Variants in SYNPR observed in about 807,000 individuals in gnomAD.
The protein encoded by SYNPR is synaptoporin.
SYNPR carries 23 observed loss-of-function variants against 32.9 expected under a neutral mutation model. The ratio of observed to expected loss-of-function variants is 0.70; its 90% CI spans 0.50 to 0.99. The LOEUF is 0.99. Among genes scored for constraint, SYNPR ranks in the 50% least tolerant of loss-of-function variants. The probability of loss-of-function intolerance (pLI) is 0.00; values close to 1 mark genes in which losing one functional copy is unlikely to be tolerated. For synonymous variants in SYNPR, 146 were observed against 135.9 expected (o/e 1.07, Z -0.52); for missense variants, 318 against 349.3 (o/e 0.91, Z 0.71).
chr3:63,286,298 G>A (rs1352009401), intron 2 of SYNPR, among the ~76,000 whole-genome samples: 1 of 118,922 alleles, frequency 8.4e-6, no homozygotes, highest in African/African-American at 3.2e-5. Flanking sequence ...TGTCGTAGAG[G>A]TGTGAAGAGA....
chr3:63,389,070 G>A (rs922883615), intron 2 of SYNPR, among the ~76,000 whole-genome samples: 13 of 152,270 alleles, frequency 8.5e-5, no homozygotes, highest in African/African-American at 2.2e-4. Flanking sequence ...GTAGTGATCC[G>A]TTTGGAGTTG....
chr3:63,494,405 A>ATATATACACG lies in SYNPR; in HGVS notation c.209+13455_209+13456insCACGTATATA, dbSNP rs1427127802. Among the ~76,000 whole-genome samples the ATATATACACG allele has an allele frequency of 3.2e-4, 17 of 53,226 alleles. No homozygotes were observed. In the East Asian group the frequency reaches 3.3e-3, roughly 10 times the overall value. 34.9% of individuals were successfully genotyped at this position (53,226 alleles called of 152,430 possible). On this transcript the variant is annotated intron_variant, in intron 3 of 5. Coordinates refer to ENST00000478300, the MANE Select transcript of SYNPR (RefSeq NM_001130003.2). The stretch of plus-strand genomic sequence containing the variant: ...GATATGTTAATTCTTATATATATAT[A>ATATATACACG]TATATATATATACGTATATATATAT...
At chr3:63,253,672 T>G (rs1227216128) in intron 2 of SYNPR, among the ~76,000 whole-genome samples, 1 of 152,106 alleles carries the variant, frequency 6.6e-6, no homozygotes, top group Non-Finnish European at 1.5e-5. Flanking sequence ...AAACTACAGG[T>G]GCTGGAGAGG....
At chr3:63,343,120 C>T (rs1182319331) in intron 2 of SYNPR, among the ~76,000 whole-genome samples, 1 of 152,098 alleles carries the variant, frequency 6.6e-6, no homozygotes, top group East Asian at 1.9e-4. Context: ...ACAAGTTTGG[C>T]ATATTTGAGG....
At position 63,615,411 on chromosome 3, in the gene SYNPR, GT is replaced by G; in HGVS notation, c.791del (p.Leu264TrpfsTer46). The G allele has an allele frequency of 6.2e-7, 1 of 1,613,942 alleles. No homozygotes were observed. Among genetic ancestry groups the G allele is most frequent in the Non-Finnish European group, 8.5e-7 (1 of 1,179,880 alleles). On this transcript the variant is annotated frameshift_variant, in exon 6 of 6. Transcript: ENST00000478300. LOFTEE classifies it high-confidence loss of function. The stretch of plus-strand genomic sequence containing the variant: ...AGCAGTGGGTACAGTCAGCAGGCGA[GT>G]TTGGGGCCAACCTCAGATGAGTTTG... Reference protein sequence around the residue: ...GSSSGYSQQASLGPTSDEFGQ... With the variant: ...GSSSGYSQQAXLGPTSDEFGQ...
chr3:63,342,396 G>A (rs2087382290), intron 2 of SYNPR, among the ~76,000 whole-genome samples: 2 of 152,066 alleles, frequency 1.3e-5, no homozygotes, highest in African/African-American at 4.8e-5. Context: ...TCTTTCTGTA[G>A]TCCGTTGATG....
intron 1 of SYNPR, among the ~76,000 whole-genome samples, chr3:63,234,980 C>G (rs1170596318): frequency 6.6e-6 from 1 of 152,146 alleles, no homozygotes; most frequent in Non-Finnish European, 1.5e-5. Flanking sequence ...CAATCTCCCC[C>G]CAATGGAGGA....
At chr3:63,242,283 A>G (rs957439922) in intron 1 of SYNPR, among the ~76,000 whole-genome samples, 1 of 152,018 alleles carries the variant, frequency 6.6e-6, no homozygotes, top group African/African-American at 2.4e-5. Flanking sequence ...ATGGCTGGAT[A>G]TGGGAGTTGG....
At chr3:63,313,959 C>A (rs1403826325) in intron 2 of SYNPR, among the ~76,000 whole-genome samples, 1 of 3,668 alleles carries the variant, frequency 2.7e-4, no homozygotes, top group Non-Finnish European at 4.9e-4. Flanking sequence ...ATATATATAT[C>A]CATATATATA....
intron 2 of SYNPR, among the ~76,000 whole-genome samples, chr3:63,288,003 T>C (rs2086702179): frequency 1.3e-5 from 2 of 152,228 alleles, no homozygotes; most frequent in African/African-American, 4.8e-5. Flanking sequence ...TCTTTGTCAC[T>C]GTCCTGCCTG....
intron 5 of SYNPR, among the ~76,000 whole-genome samples, chr3:63,612,227 A>T (rs1245130982): frequency 2.6e-5 from 4 of 151,992 alleles, no homozygotes; most frequent in East Asian, 1.9e-4. Context: ...GATAATCTAT[A>T]AAAAAAATAC....
At chr3:63,261,498 T>C (rs1034065054) in intron 2 of SYNPR, among the ~76,000 whole-genome samples, 10 of 141,172 alleles carry the variant, frequency 7.1e-5, no homozygotes, top group South Asian at 4.5e-4. Flanking sequence ...TTCTCACTCA[T>C]AGCTGGGAAT....
intron 2 of SYNPR, among the ~76,000 whole-genome samples, chr3:63,263,547 G>A (rs2106902469): frequency 6.6e-6 from 1 of 152,310 alleles, no homozygotes; most frequent in Non-Finnish European, 1.5e-5. Flanking sequence ...AATCAACAGA[G>A]GAGGCTCACG....
At chr3:63,374,191 C>T (rs1435317508) in intron 2 of SYNPR, among the ~76,000 whole-genome samples, 2 of 152,110 alleles carry the variant, frequency 1.3e-5, no homozygotes, top group African/African-American at 2.4e-5. Flanking sequence ...ATAGATGGCT[C>T]TTATTATTTT....
chr3:63,610,271 T>C (rs1700181362), intron 5 of SYNPR, among the ~76,000 whole-genome samples: 1 of 152,136 alleles, frequency 6.6e-6, no homozygotes, highest in Admixed American at 6.5e-5. Flanking sequence ...GGACACTAAA[T>C]TGGATTTTTA....
intron 2 of SYNPR, among the ~76,000 whole-genome samples, chr3:63,424,921 G>A (rs1042803724): frequency 3.3e-5 from 5 of 152,148 alleles, no homozygotes; most frequent in Non-Finnish European, 7.3e-5. Flanking sequence ...CTAAATTAAG[G>A]AAGAGAAAGT....
the SYNPR span, among the ~76,000 whole-genome samples, chr3:63,219,716 A>T: frequency 3.9e-4 from 60 of 152,308 alleles, no homozygotes; most frequent in Middle Eastern, 0.014. Context: ...TAAGGAAAAT[A>T]TATTTACTAT....
At chr3:63,407,692 C>T (rs2088379547) in intron 2 of SYNPR, among the ~76,000 whole-genome samples, 1 of 151,938 alleles carries the variant, frequency 6.6e-6, no homozygotes, top group African/African-American at 2.4e-5. Context: ...GAAATTATTC[C>T]CTTGAGAGGT....
At chr3:63,518,055 C>A (rs1701833280) in intron 3 of SYNPR, among the ~76,000 whole-genome samples, 1 of 152,172 alleles carries the variant, frequency 6.6e-6, no homozygotes, top group Non-Finnish European at 1.5e-5. Context: ...GCAGTGGCCC[C>A]AGGGTGTGTC....
Sources: allele counts gnomAD v4.1 joint callset (sites outside exome capture counted in the v4.1 genomes callset), GRCh38; gene constraint gnomAD v4.1.1; transcripts MANE v1.5; gene names NCBI Gene and HGNC (gene_info 2026-07-23, HGNC 2026-07-21).